Variants in SIPA1L1 observed in about 807,000 individuals in gnomAD.
SIPA1L1 encodes the protein signal-induced proliferation-associated 1-like protein 1.
A neutral mutation model predicts 162.7 loss-of-function variants in SIPA1L1; 26 were observed. The observed-to-expected ratio is 0.16, with a 90% CI of 0.12 to 0.22. The LOEUF (loss-of-function observed/expected upper bound fraction) is 0.22. SIPA1L1 is among the 10% of genes least tolerant of loss of function. SIPA1L1 has a pLI of 1.00. For missense variants in SIPA1L1, 1,874 were observed against 2,241.0 expected, an observed-to-expected ratio of 0.84 and a Z score of 3.31; for synonymous variants, 829 against 837.4, an observed-to-expected ratio of 0.99 and a Z score of 0.17.
intron 2 of SIPA1L1, chr14:71,416,351 G>T (rs1456602813): frequency 1.3e-5 from 2 of 151,852 alleles, no homozygotes; most frequent in Non-Finnish European, 2.9e-5. Flanking sequence ...TCAGTTACTT[G>T]TTAGGATTTC....
chr14:71,539,684 CT>C (rs903310570), intron 4 of SIPA1L1, among the ~76,000 whole-genome samples: 2 of 152,062 alleles, frequency 1.3e-5, no homozygotes, highest in African/African-American at 4.8e-5. Flanking sequence ...TAGAATAATG[CT>C]TTTTGTTTTG....
At chr14:71,529,394 A>G (rs1166970555) in intron 4 of SIPA1L1, 24 bp downstream of exon 4, 8 of 621,646 alleles carry the variant, frequency 1.3e-5, no homozygotes, top group East Asian at 2.8e-5. Flanking sequence ...CATACTTCCT[A>G]TGACCTACCT....
chr14:71,541,034 A>T (rs1305346208), intron 4 of SIPA1L1, among the ~76,000 whole-genome samples: 1 of 152,212 alleles, frequency 6.6e-6, no homozygotes, highest in Non-Finnish European at 1.5e-5. Flanking sequence ...AGGCTGAAGC[A>T]GGAGAATTGC....
chr14:71,355,708 A>C (rs988491116), intron 2 of SIPA1L1, among the ~76,000 whole-genome samples: 1 of 152,234 alleles, frequency 6.6e-6, no homozygotes, highest in South Asian at 2.1e-4. Flanking sequence ...GATGAAATTT[A>C]TGAGAAAGTA....
intron 3 of SIPA1L1, among the ~76,000 whole-genome samples, chr14:71,518,608 T>C (rs2051981339): frequency 6.6e-6 from 1 of 152,150 alleles, no homozygotes; most frequent in Admixed American, 6.5e-5. Flanking sequence ...TTACTTTTTG[T>C]TACTAGTATT....
chr14:71,424,059 T>C (rs2043384249), intron 2 of SIPA1L1, among the ~76,000 whole-genome samples: 1 of 152,128 alleles, frequency 6.6e-6, no homozygotes, highest in Non-Finnish European at 1.5e-5. Flanking sequence ...TGCGTTTTTG[T>C]AATGTCCTTT....
intron 2 of SIPA1L1, among the ~76,000 whole-genome samples, chr14:71,322,619 A>C (rs1270422815): frequency 2.0e-5 from 3 of 152,242 alleles, no homozygotes; most frequent in Admixed American, 1.3e-4. Context: ...AATTATGCTA[A>C]AGCATTAACA....
chr14:71,400,557 A>AC (rs1306822883), intron 2 of SIPA1L1, among the ~76,000 whole-genome samples: 1 of 151,920 alleles, frequency 6.6e-6, no homozygotes. Flanking sequence ...GGATGTTGAG[A>AC]TTGTATGTAT....
chr14:71,674,441 G>T (rs926525966), intron 12 of SIPA1L1, among the ~76,000 whole-genome samples: 1 of 151,868 alleles, frequency 6.6e-6, no homozygotes, highest in Non-Finnish European at 1.5e-5. Context: ...CTAATATACT[G>T]AGTTTTTTAC....
In SIPA1L1 at chr14:71,650,339, A is replaced by G. The variant is rs533740757; in HGVS notation, c.1823A>G (p.Asn608Ser). 1.2e-6 allele frequency: 2 copies of G among 1,614,066 alleles called. No individual in the cohort carries two copies. The highest frequency in any genetic ancestry group is 3.3e-5 in the Admixed American group (2 of 60,022). ...QLMKLDEQGL[N>S]YQQKVGIMYC... ...TCGTATTACCTGCCTTCACAGCTGAACTACCAGCAGAAAGTAGGCATCATG... is the reference window on the plus strand; with the variant it reads ...TCGTATTACCTGCCTTCACAGCTGAGCTACCAGCAGAAAGTAGGCATCATG... Residue 608 changes from asparagine to serine, a missense_variant, in exon 8 of 24, where the codon AAC becomes AGC. Coordinates refer to ENST00000381232, the MANE Select transcript of SIPA1L1 (RefSeq NM_001386936.1).
intron 2 of SIPA1L1, among the ~76,000 whole-genome samples, chr14:71,464,411 G>C (rs994560744): frequency 6.6e-6 from 1 of 152,186 alleles, no homozygotes; most frequent in Non-Finnish European, 1.5e-5. Flanking sequence ...GGGTCGCCGA[G>C]GTGGGCGGAT....
Position 71,540,820 on chromosome 14 carries a change from G to A in SIPA1L1, c.-303+11450G>A, listed in dbSNP as rs569857391. Among the ~76,000 whole-genome samples, 7 of 152,008 alleles carry A rather than the reference G, an allele frequency of 4.6e-5. No homozygotes were observed. The South Asian group carries it at 6.2e-4, about 14-fold the overall frequency. ...AGTGAAAAGAAAGCCAAGCTGTAAC[G>A]CATTAATCAGAACTTATTCATGCTG... is the stretch of plus-strand genomic sequence containing the variant. On this transcript the variant is annotated intron_variant, in intron 4 of 23. Transcript: ENST00000381232.
intron 2 of SIPA1L1, among the ~76,000 whole-genome samples, chr14:71,429,634 G>A (rs537928209): frequency 1.3e-5 from 2 of 152,112 alleles, no homozygotes; most frequent in Non-Finnish European, 2.9e-5. Context: ...TCTCTATGCA[G>A]TTGTCAGGTC....
intron 12 of SIPA1L1, among the ~76,000 whole-genome samples, chr14:71,673,927 T>G (rs1461624623): frequency 6.6e-6 from 1 of 152,240 alleles, no homozygotes; most frequent in Non-Finnish European, 1.5e-5. Flanking sequence ...TGTGCTGAAC[T>G]GTGATTTAAA....
intron 7 of SIPA1L1, among the ~76,000 whole-genome samples, chr14:71,625,092 T>C (rs2039834444): frequency 2.0e-5 from 3 of 152,266 alleles, no homozygotes; most frequent in African/African-American, 4.8e-5. Flanking sequence ...TTATTTTTTT[T>C]CCCCATTATG....
At chr14:71,387,248 CAA>C (rs398025583) in intron 2 of SIPA1L1, among the ~76,000 whole-genome samples, 5 of 53,860 alleles carry the variant, frequency 9.3e-5, no homozygotes, top group East Asian at 1.0e-3. Context: ...AACTCTGTCT[CAA>C]AAAAAAAAAA....
intron 4 of SIPA1L1, among the ~76,000 whole-genome samples, chr14:71,543,614 A>G (rs1225032069): frequency 6.6e-6 from 1 of 151,140 alleles, no homozygotes; most frequent in Non-Finnish European, 1.5e-5. Context: ...GTATCTCATT[A>G]TGATTTTAAT....
At chr14:71,604,668 GTTTA>G (rs781556456) in intron 5 of SIPA1L1, among the ~76,000 whole-genome samples, 3 of 151,992 alleles carry the variant, frequency 2.0e-5, no homozygotes, top group South Asian at 2.1e-4. Flanking sequence ...TGGCTGACAG[GTTTA>G]TTTATTTATT....
chr14:71,569,802 C>T (rs1386203267), intron 4 of SIPA1L1, among the ~76,000 whole-genome samples: 1 of 152,216 alleles, frequency 6.6e-6, no homozygotes, highest in East Asian at 1.9e-4. Context: ...ACTGTCAGTA[C>T]TTGCCTGAGG....
Sources: allele counts gnomAD v4.1 joint callset (sites outside exome capture counted in the v4.1 genomes callset), GRCh38; gene constraint gnomAD v4.1.1; transcripts MANE v1.5; gene names NCBI Gene and HGNC (gene_info 2026-07-23, HGNC 2026-07-21).